Variants in SLC4A1AP observed in about 807,000 individuals in gnomAD.
SLC4A1AP encodes kanadaptin.
SLC4A1AP carries 64 observed loss-of-function variants against 89.7 expected under a neutral mutation model. That is an observed-to-expected ratio of 0.71 (90% CI 0.58 to 0.88). The LOEUF is 0.88. Among genes scored for constraint, SLC4A1AP ranks in the 40% least tolerant of loss-of-function variants. The pLI is 0.00. For missense variants in SLC4A1AP, 931 were observed against 965.0 expected, an observed-to-expected ratio of 0.96 and a Z score of 0.47; for synonymous variants, 366 against 353.3, an observed-to-expected ratio of 1.04 and a Z score of -0.40.
chr2:27,688,101 C>G (rs552854720), intron 11 of SLC4A1AP, 81 bp downstream of exon 11: 4 of 1,104,100 alleles, frequency 3.6e-6, no homozygotes, highest in Admixed American at 1.9e-5. Context: ...GGCAGCTGAC[C>G]TGAAGGCAGC....
chr2:27,667,336 G>A, exon 3 of SLC4A1AP: 1 of 1,613,698 alleles, frequency 6.2e-7, no homozygotes, highest in Non-Finnish European at 8.5e-7. Flanking sequence ...GGAAAGGGAG[G>A]CCTTTTATAT....
At chr2:27,682,158 C>A in intron 8 of SLC4A1AP, 90 bp from the exon 9 acceptor site, 1 of 766,738 alleles carries the variant, frequency 1.3e-6, no homozygotes, top group Non-Finnish European at 2.1e-6. Flanking sequence ...TTTTATTTTG[C>A]CAGAGGTTTC....
intron 6 of SLC4A1AP, 24 bp downstream of exon 6, chr2:27,675,716 C>A (rs1226041520): frequency 2.0e-6 from 3 of 1,519,292 alleles, no homozygotes; most frequent in Non-Finnish European, 2.7e-6. Context: ...ATGGAAGTAG[C>A]TGTGGTATTT....
intron 3 of SLC4A1AP, 57 bp downstream of exon 3, chr2:27,667,447 C>T (rs556715800): frequency 6.6e-7 from 1 of 1,510,372 alleles, no homozygotes; most frequent in Non-Finnish European, 8.9e-7. Flanking sequence ...GTGTGGTTTT[C>T]TAGAGCTTCA....
intron 6 of SLC4A1AP, among the ~76,000 whole-genome samples, chr2:27,677,054 G>C (rs923810574): frequency 6.6e-6 from 1 of 151,860 alleles, no homozygotes; most frequent in Non-Finnish European, 1.5e-5. Flanking sequence ...CAGGAGAATC[G>C]CTTGAACCCG....
At chr2:27,681,311 G>A (rs1295999372) in intron 8 of SLC4A1AP, among the ~76,000 whole-genome samples, 1 of 152,178 alleles carries the variant, frequency 6.6e-6, no homozygotes, top group East Asian at 1.9e-4. Flanking sequence ...AGGGGCTTGA[G>A]GCTGGACTTA....
At chr2:27,670,187 G>A (rs2148132132) in intron 5 of SLC4A1AP, among the ~76,000 whole-genome samples, 1 of 151,194 alleles carries the variant, frequency 6.6e-6, no homozygotes, top group African/African-American at 2.4e-5. Flanking sequence ...TGATAGAGAC[G>A]AGGTTTCACC....
At chr2:27,681,268 C>A (rs1675615104) in intron 8 of SLC4A1AP, among the ~76,000 whole-genome samples, 1 of 152,082 alleles carries the variant, frequency 6.6e-6, no homozygotes, top group Non-Finnish European at 1.5e-5. Context: ...GTGGCCTTAG[C>A]AAGGGAATGG....
chr2:27,667,175 A>G (rs1206464624), intron 2 of SLC4A1AP, 93 bp from the exon 3 acceptor site: 2 of 1,388,342 alleles, frequency 1.4e-6, no homozygotes, highest in Non-Finnish European at 1.9e-6. Flanking sequence ...AGCCTAAACT[A>G]TATCTTTATG....
chr2:27,673,753 G>C lies in SLC4A1AP; in HGVS notation c.1346-1779G>C, dbSNP rs181169829. ...GGGAAATTAGATATGTGTGTTTAAT[G>C]TACCATCTTAACCTGCAAATTAGGC... On this transcript the variant is annotated intron_variant, in intron 5 of 13. Coordinates refer to ENST00000613058, the Ensembl canonical transcript of SLC4A1AP. 3.9e-5 allele frequency among the ~76,000 whole-genome samples: 6 copies of C among 152,102 alleles called. No individual in the cohort carries two copies. In the East Asian group the frequency reaches 9.7e-4, roughly 25 times the overall value.
At chr2:27,685,205 G>C (rs1380486762) in exon 10 of SLC4A1AP, 4 of 1,614,068 alleles carry the variant, frequency 2.5e-6, no homozygotes, top group Non-Finnish European at 3.4e-6. Context: ...GCCAGAGATA[G>C]AGCCAGAAGC....
At chr2:27,664,649 T>C (rs1675274597) in intron 1 of SLC4A1AP, 72 bp downstream of exon 1, 2 of 1,215,648 alleles carry the variant, frequency 1.6e-6, no homozygotes, top group East Asian at 4.7e-5. Context: ...AAGCTTTGGA[T>C]GAGGAAGAAG....
chr2:27,693,831 C>A, intron 13 of SLC4A1AP, 77 bp downstream of exon 13: 2 of 1,102,288 alleles, frequency 1.8e-6, no homozygotes, highest in South Asian at 3.0e-5. Flanking sequence ...ATTTAAGGTT[C>A]AACATAAGAA....
intron 5 of SLC4A1AP, among the ~76,000 whole-genome samples, chr2:27,671,762 A>G (rs1320449749): frequency 1.3e-5 from 2 of 152,232 alleles, no homozygotes; most frequent in East Asian, 1.9e-4. Context: ...GTACAACACT[A>G]GAGGGCATGG....
At chr2:27,694,458 T>A (rs1675841125) in intron 13 of SLC4A1AP, among the ~76,000 whole-genome samples, 176 bp from the exon 14 acceptor site, 1 of 152,164 alleles carries the variant, frequency 6.6e-6, no homozygotes, top group South Asian at 2.1e-4. Context: ...TAACAAATGT[T>A]AGGGTAGAAA....
chr2:27,682,524 CTTT>C (rs1169902483), intron 9 of SLC4A1AP, among the ~76,000 whole-genome samples, 165 bp downstream of exon 9: 1 of 44,744 alleles, frequency 2.2e-5, no homozygotes, highest in African/African-American at 5.4e-5. Context: ...TTCTTGGATT[CTTT>C]TTTTTTTTTT....
intron 1 of SLC4A1AP, among the ~76,000 whole-genome samples, chr2:27,664,802 T>C (rs1675278147): frequency 6.6e-6 from 1 of 152,022 alleles, no homozygotes; most frequent in Non-Finnish European, 1.5e-5. Context: ...GCGCGGTGGC[T>C]CGCGCCTGTA....
At position 27,694,627 on chromosome 2, in the gene SLC4A1AP, G is replaced by C. The variant is rs1218584426; in HGVS notation, c.2342-7G>C. On this transcript the variant is annotated splice_region_variant and splice_polypyrimidine_tract_variant and intron_variant, in intron 13 of 13. Coordinates refer to ENST00000613058, the Ensembl canonical transcript of SLC4A1AP. ...TAATGTATTTCTTTTTTTATATTCT[G>C]ATCTAGGTCAAAGTGGAGATGGCAG... 2 of 1,565,614 alleles carry C rather than the reference G, an allele frequency of 1.3e-6. No homozygotes were observed. The highest frequency in any genetic ancestry group is 2.7e-5 in the African/African-American group (2 of 74,060).
At chr2:27,664,201 G>T (rs1432503663) in exon 1 of SLC4A1AP, 1 of 1,614,074 alleles carries the variant, frequency 6.2e-7, no homozygotes, top group Admixed American at 1.7e-5. Context: ...GGTCCAGCCC[G>T]GGCTCCCCCC....
Sources: gnomAD v4.1 joint callset for allele counts (sites outside exome capture counted in the v4.1 genomes callset) on GRCh38, gnomAD v4.1.1 for gene constraint, MANE v1.5 for transcripts, NCBI Gene and HGNC (gene_info 2026-07-23, HGNC 2026-07-21) for gene names.